SHQ1: variants seen among roughly 807,000 people sequenced by gnomAD.
SHQ1 encodes SHQ1, H/ACA ribonucleoprotein assembly factor.
A neutral mutation model predicts 53.8 loss-of-function variants in SHQ1; 49 were observed. The observed-to-expected ratio is 0.91, with a 90% CI of 0.72 to 1.16. The LOEUF (loss-of-function observed/expected upper bound fraction) is 1.16. SHQ1 is among the 50% of genes most tolerant of loss of function. The pLI, the probability that SHQ1 is intolerant of heterozygous loss-of-function variation, is 0.00. For missense variants in SHQ1, 738 were observed against 683.1 expected, an observed-to-expected ratio of 1.08 and a Z score of -0.90; for synonymous variants, 243 against 251.0, an observed-to-expected ratio of 0.97 and a Z score of 0.30.
At chr3:72,777,878 A>G (rs2106751359) in intron 10 of SHQ1, among the ~76,000 whole-genome samples, 1 of 152,346 alleles carries the variant, frequency 6.6e-6, no homozygotes, top group South Asian at 2.1e-4. Context: ...CAGGACAGAA[A>G]AGAACCATCT....
chr3:72,815,286 G>A (rs1707276567), intron 8 of SHQ1, 64 bp downstream of exon 8: 2 of 1,407,768 alleles, frequency 1.4e-6, no homozygotes, highest in Middle Eastern at 1.8e-4. Context: ...CCCAAATGAT[G>A]TAAAAACAAC....
intron 5 of SHQ1, among the ~76,000 whole-genome samples, chr3:72,824,974 A>G (rs1707604871): frequency 6.6e-6 from 1 of 151,522 alleles, no homozygotes; most frequent in Non-Finnish European, 1.5e-5. Context: ...GCTAATTTCT[A>G]TTTTTTCATA....
intron 10 of SHQ1, among the ~76,000 whole-genome samples, chr3:72,751,821 A>G (rs1476709523): frequency 2.0e-5 from 3 of 152,236 alleles, no homozygotes; most frequent in Admixed American, 2.0e-4. Flanking sequence ...CAGGGAGATT[A>G]AATAGCTACA....
At position 72,792,965 on chromosome 3, in the gene SHQ1, G is replaced by C. The variant is rs2106795798; in HGVS notation, c.1132C>G (p.Leu378Val). Residue 378 changes from leucine (L) to valine (V), a missense_variant, in exon 10 of 11, where the codon CTG becomes GTG. Physicochemically the swap from Leu to Val is conservative, Grantham distance 32 (BLOSUM62 1). Transcript: ENST00000325599. ...IFQENDPAYI[L>V]NDLYISDYCV... ...TAGTCTGAGATGTAGAGATCATTCA[G>C]TATGTACGCTGGGTCATTTTCCTGA... The C allele has an allele frequency of 6.2e-7, 1 of 1,612,046 alleles. No individual in the cohort carries two copies. The highest frequency in any genetic ancestry group is 2.2e-5 in the East Asian group (1 of 44,846).
intron 10 of SHQ1, among the ~76,000 whole-genome samples, chr3:72,779,591 T>C (rs1028986495): frequency 1.3e-5 from 2 of 152,204 alleles, no homozygotes; most frequent in African/African-American, 4.8e-5. Context: ...GGCAGGCCCC[T>C]GGCAGAGAAC....
chr3:72,737,134 C>A, the SHQ1 span, among the ~76,000 whole-genome samples: 2 of 151,740 alleles, frequency 1.3e-5, no homozygotes, highest in South Asian at 2.1e-4. Flanking sequence ...AAATATTAGC[C>A]GGGTGTGCTG....
intron 10 of SHQ1, among the ~76,000 whole-genome samples, chr3:72,752,531 A>T (rs1383134856): frequency 6.6e-6 from 1 of 151,896 alleles, no homozygotes; most frequent in East Asian, 1.9e-4. Flanking sequence ...TTATTTCAGA[A>T]GATTTTTTTT....
chr3:72,766,339 T>C (rs1348587594), intron 10 of SHQ1, among the ~76,000 whole-genome samples: 1 of 152,052 alleles, frequency 6.6e-6, no homozygotes, highest in African/African-American at 2.4e-5. Flanking sequence ...CTCTAAACCA[T>C]AGTTCTTGTA....
intron 10 of SHQ1, among the ~76,000 whole-genome samples, chr3:72,766,008 A>G (rs1163364494): frequency 2.0e-5 from 3 of 152,210 alleles, no homozygotes; most frequent in African/African-American, 2.4e-5. Context: ...GCTAGATGAT[A>G]TAAGTGCCAT....
intron 5 of SHQ1, among the ~76,000 whole-genome samples, chr3:72,831,382 A>G (rs573807712): frequency 4.6e-5 from 7 of 152,354 alleles, no homozygotes; most frequent in African/African-American, 1.7e-4. Context: ...AAGGATATAC[A>G]AAATGACAAA....
At position 72,848,221 on chromosome 3, in the gene SHQ1, G is replaced by A; in HGVS notation, c.120C>T (p.Phe40=). The change falls in exon 1 of 11, where the codon TTC becomes TTT. Residue 40 remains phenylalanine, a synonymous_variant. Coordinates refer to ENST00000325599, the MANE Select transcript of SHQ1 (RefSeq NM_018130.3). ...DVYFEGSDFK[F]YAKPYFLRLT... is the part of the protein sequence containing the mutation. ...GCCTGAGAAAGTATGGCTTGGCGTA[G>A]AACTTGAAGTCAGACCCCTCGAAGT... 1 of 1,614,216 alleles carries A rather than the reference G, an allele frequency of 6.2e-7. No individual in the cohort carries two copies. The highest frequency in any genetic ancestry group is 1.3e-5 in the African/African-American group (1 of 75,058).
At chr3:72,796,734 C>T (rs1296723537) in intron 9 of SHQ1, among the ~76,000 whole-genome samples, 3 of 151,862 alleles carry the variant, frequency 2.0e-5, no homozygotes, top group African/African-American at 4.8e-5. Flanking sequence ...GCAGGAGAAT[C>T]GCTTGAACCC....
At chr3:72,763,060 C>G (rs200412556) in intron 10 of SHQ1, among the ~76,000 whole-genome samples, 53 of 77,514 alleles carry the variant, frequency 6.8e-4, no homozygotes, top group East Asian at 2.0e-3. Context: ...CACACACACA[C>G]ACAGAGAGAG....
intron 5 of SHQ1, among the ~76,000 whole-genome samples, chr3:72,830,365 C>T (rs1394105050): frequency 2.6e-5 from 4 of 151,738 alleles, no homozygotes; most frequent in African/African-American, 9.7e-5. Flanking sequence ...TAATATTATG[C>T]TAATCTTATA....
Position 72,832,504 on chromosome 3 carries a change from GAAT to G in SHQ1, c.487-26_487-24del. On this transcript the variant is annotated intron_variant, in intron 4 of 10. Transcript: ENST00000325599. ...ATCCTGAGGACACCCAGAAAAGAAA[GAAT>G]AATTGCTATCTCCTATTTTTAGCAT... is the stretch of plus-strand genomic sequence containing the variant. 2.7e-6 allele frequency: 4 copies of G among 1,497,706 alleles called. No homozygotes were observed. The South Asian group carries it at 3.6e-5, about 13-fold the overall frequency. 92.8% of individuals were successfully genotyped at this position (1,497,706 alleles called of 1,614,324 possible). A position where few individuals can be genotyped will look rare whatever the true frequency, so the allele number is the denominator to read the frequency against.
the SHQ1 span, among the ~76,000 whole-genome samples, chr3:72,728,605 T>C: frequency 1.6e-4 from 24 of 152,226 alleles, no homozygotes; most frequent in African/African-American, 5.3e-4. Flanking sequence ...GTGCAGAGTT[T>C]GGGGTGCGGC....
intron 10 of SHQ1, among the ~76,000 whole-genome samples, chr3:72,783,076 A>C (rs544468324): frequency 6.6e-6 from 1 of 152,332 alleles, no homozygotes; most frequent in African/African-American, 2.4e-5. Flanking sequence ...TTACTCTGTA[A>C]AAAGCCATGG....
intron 10 of SHQ1, 57 bp from the exon 11 acceptor site, chr3:72,750,893 A>G: frequency 1.5e-6 from 2 of 1,368,902 alleles, no homozygotes; most frequent in Non-Finnish European, 1.9e-6. Context: ...CCTGGGGATA[A>G]CAGGTTATAC....
At chr3:72,803,566 C>A (rs1706854501) in intron 9 of SHQ1, among the ~76,000 whole-genome samples, 1 of 152,178 alleles carries the variant, frequency 6.6e-6, no homozygotes, top group Non-Finnish European at 1.5e-5. Flanking sequence ...AAGACCTCGG[C>A]TCCCTACAAA....
Sources: gnomAD v4.1 joint callset for allele counts (sites outside exome capture counted in the v4.1 genomes callset) on GRCh38, gnomAD v4.1.1 for gene constraint, MANE v1.5 for transcripts, NCBI Gene and HGNC (gene_info 2026-07-23, HGNC 2026-07-21) for gene names.